Variants in PSIP1 observed in about 807,000 individuals in gnomAD.
PSIP1 encodes the protein PC4 and SRSF1 interacting protein 1.
In PSIP1, 19 loss-of-function variants were observed where a neutral mutation model predicts 74.7. The ratio of observed to expected loss-of-function variants is 0.25; its 90% CI spans 0.18 to 0.37. PSIP1 has a LOEUF of 0.37. Ranked by LOEUF, PSIP1 falls within the 10% of genes least tolerant of loss-of-function variation. The probability of loss-of-function intolerance (pLI) is 1.00; values close to 1 mark genes in which losing one functional copy is unlikely to be tolerated. For missense variants in PSIP1, 601 were observed against 614.3 expected, an observed-to-expected ratio of 0.98 and a Z score of 0.23; for synonymous variants, 222 against 195.3, an observed-to-expected ratio of 1.14 and a Z score of -1.14.
chr9:15,495,799 TTTTCA>T (rs1282676718), intron 3 of PSIP1, among the ~76,000 whole-genome samples: 2 of 152,204 alleles, frequency 1.3e-5, no homozygotes, highest in African/African-American at 4.8e-5. Flanking sequence ...ACAACTACCT[TTTTCA>T]TTTATGTTGA....
At position 15,499,894 on chromosome 9, in the gene PSIP1, G is replaced by A. The variant is rs953619281; in HGVS notation, c.149+6667C>T. 1.7e-4 allele frequency among the ~76,000 whole-genome samples: 25 copies of A among 145,526 alleles called. No homozygotes were observed. The South Asian group carries it at 4.3e-3, about 25-fold the overall frequency. On this transcript the variant is annotated intron_variant, in intron 3 of 15. Coordinates refer to ENST00000380733, the MANE Select transcript of PSIP1 (RefSeq NM_033222.5). ...CTGTCTCAAAAAAAAAAAAAAAACC[G>A]AAGTCACATACACAAAACAGGAAAT...
intron 6 of PSIP1, among the ~76,000 whole-genome samples, chr9:15,483,069 C>G (rs1563879048): frequency 6.6e-6 from 1 of 152,174 alleles, no homozygotes; most frequent in Non-Finnish European, 1.5e-5. Context: ...TTCCCCCTCT[C>G]CATTATATTC....
intron 3 of PSIP1, among the ~76,000 whole-genome samples, chr9:15,502,370 C>T (rs1242582314): frequency 6.6e-6 from 1 of 152,162 alleles, no homozygotes; most frequent in Non-Finnish European, 1.5e-5. Context: ...GGATACAGAA[C>T]CCACAGATAC....
chr9:15,508,084 CG>C (rs2037682000), intron 2 of PSIP1, among the ~76,000 whole-genome samples: 1 of 152,040 alleles, frequency 6.6e-6, no homozygotes, highest in African/African-American at 2.4e-5. Flanking sequence ...TAGCAAATGC[CG>C]GGCAAAATTT....
intron 6 of PSIP1, among the ~76,000 whole-genome samples, chr9:15,481,425 G>C (rs1010230632): frequency 2.0e-5 from 3 of 152,246 alleles, no homozygotes; most frequent in Non-Finnish European, 4.4e-5. Flanking sequence ...GGGTGCAGTG[G>C]CCCATGCCTG....
intron 14 of PSIP1, among the ~76,000 whole-genome samples, chr9:15,467,951 T>C (rs2035700599): frequency 6.6e-6 from 1 of 150,974 alleles, no homozygotes; most frequent in Non-Finnish European, 1.5e-5. Context: ...AGAAACCCCG[T>C]GCCTACTAAA....
At chr9:15,467,236 G>C in intron 14 of PSIP1, among the ~76,000 whole-genome samples, 1 of 152,180 alleles carries the variant, frequency 6.6e-6, no homozygotes. Flanking sequence ...AAAGCAATGT[G>C]AATCAAATTT....
At chr9:15,469,589 A>G (rs1011030890) in intron 11 of PSIP1, among the ~76,000 whole-genome samples, 2 of 152,144 alleles carry the variant, frequency 1.3e-5, no homozygotes, top group Non-Finnish European at 2.9e-5. Context: ...TAAAATAAAT[A>G]GTCTGCATAT....
chr9:15,510,219 C>A lies in PSIP1; in HGVS notation c.-31G>T. The stretch of plus-strand genomic sequence containing the variant: ...GGGGGCGAGACCGGGGGTCCGAAGC[C>A]CGGGAGGCGGCGAGGAGATGCGGCG... On this transcript the variant is annotated 5_prime_UTR_variant, in exon 2 of 16. Transcript: ENST00000380733. 2 of 1,590,310 alleles carry A rather than the reference C, an allele frequency of 1.3e-6. No individual in the cohort carries two copies. Among genetic ancestry groups the A allele is most frequent in the South Asian group, 1.1e-5 (1 of 88,714 alleles).
At position 15,466,794 on chromosome 9, in the gene PSIP1, T is replaced by C; in HGVS notation, c.1486A>G (p.Ser496Gly). Residue 496 changes from serine to glycine, a missense_variant, in exon 15 of 16, where the codon AGC (serine) becomes GGC (glycine). Coordinates refer to ENST00000380733, the MANE Select transcript of PSIP1 (RefSeq NM_033222.5). Reference sequence around the variant, plus strand: ...TGGTTGTCTTTGCTGTCTTCATTGCTCTCCCCGTTATGTTGTGGCTGATTA... The same window carrying C: ...TGGTTGTCTTTGCTGTCTTCATTGCCCTCCCCGTTATGTTGTGGCTGATTA... ...DGNQPQHNGE[S>G]NEDSKDNHEA... 1 of 1,613,626 alleles carries C rather than the reference T, an allele frequency of 6.2e-7. No homozygotes were observed.
chr9:15,488,838 G>T (rs551267297), intron 4 of PSIP1, among the ~76,000 whole-genome samples: 1 of 152,070 alleles, frequency 6.6e-6, no homozygotes, highest in Non-Finnish European at 1.5e-5. Flanking sequence ...TGGCTAACAC[G>T]GTGAAACCCC....
At position 15,486,946 on chromosome 9, in the gene PSIP1, C is replaced by CT; in HGVS notation, c.289-16dup. On this transcript the variant is annotated splice_polypyrimidine_tract_variant and intron_variant, in intron 4 of 15. Coordinates refer to ENST00000380733, the MANE Select transcript of PSIP1 (RefSeq NM_033222.5). ...TTAGTTGCTGCCTGTGAGCAATCAA[C>CT]TCTATTAATTTCAAAAAATAAGTTT... The CT allele has an allele frequency of 6.6e-7, 1 of 1,523,506 alleles. No individual in the cohort carries two copies. Among genetic ancestry groups the CT allele is most frequent in the Non-Finnish European group, 9.0e-7 (1 of 1,111,008 alleles). 94.4% of individuals were successfully genotyped at this position (1,523,506 alleles called of 1,614,324 possible). A position where few individuals can be genotyped will look rare whatever the true frequency, so the allele number is the denominator to read the frequency against.
chr9:15,504,823 A>C (rs933565906), intron 3 of PSIP1: 1 of 152,202 alleles, frequency 6.6e-6, no homozygotes, highest in African/African-American at 2.4e-5. Flanking sequence ...AAAAATGCTA[A>C]GGAATGTCCA....
In PSIP1 at chr9:15,494,480, G is replaced by A. The variant is rs142474158; in HGVS notation, c.150-4356C>T. Among the ~76,000 whole-genome samples, 908 of 145,270 alleles carry A rather than the reference G, an allele frequency of 6.3e-3. 1 individual carries two copies. The highest frequency in any genetic ancestry group is 0.022 in the Middle Eastern group (6 of 272). On this transcript the variant is annotated intron_variant, in intron 3 of 15. Coordinates refer to ENST00000380733, the MANE Select transcript of PSIP1 (RefSeq NM_033222.5). ...CTTGGGAGGCTGAGGCAATAGAATCGCTTGAACCCGGGAGGCGGAGGTTGT... is the reference window on the plus strand; with the variant it reads ...CTTGGGAGGCTGAGGCAATAGAATCACTTGAACCCGGGAGGCGGAGGTTGT...
intron 10 of PSIP1, chr9:15,472,337 A>G: frequency 8.7e-7 from 1 of 1,155,738 alleles, no homozygotes; most frequent in Non-Finnish European, 1.1e-6. Context: ...TATACAAACA[A>G]ATGGTTGAGG....
chr9:15,489,884 TG>T, intron 4 of PSIP1, 101 bp downstream of exon 4: 1 of 1,016,938 alleles, frequency 9.8e-7, no homozygotes, highest in South Asian at 2.3e-5. Context: ...CAAACTAGTA[TG>T]AAATTCCCAA....
At position 15,466,269 on chromosome 9, in the gene PSIP1, C is replaced by T. The variant is rs2035619555; in HGVS notation, c.1532+479G>A. Reference sequence around the variant, plus strand: ...TGGCAGGTGCCTGTAATCCCAGCTACTTGGGAGGCTGAGGCAGGAGAATCG... The same window carrying T: ...TGGCAGGTGCCTGTAATCCCAGCTATTTGGGAGGCTGAGGCAGGAGAATCG... On this transcript the variant is annotated intron_variant, in intron 15 of 15. Coordinates refer to ENST00000380733, the MANE Select transcript of PSIP1 (RefSeq NM_033222.5). Among the ~76,000 whole-genome samples the T allele has an allele frequency of 2.0e-5, 3 of 151,888 alleles. No homozygotes were observed. The South Asian group carries it at 6.2e-4, about 31-fold the overall frequency.
At chr9:15,495,289 T>TA (rs1384364402) in intron 3 of PSIP1, among the ~76,000 whole-genome samples, 1 of 148,098 alleles carries the variant, frequency 6.8e-6, no homozygotes, top group African/African-American at 2.7e-5. Flanking sequence ...ACCACAAAGT[T>TA]ACTGTATAAA....
intron 9 of PSIP1, among the ~76,000 whole-genome samples, chr9:15,473,229 A>C (rs1434250879): frequency 6.6e-6 from 1 of 152,242 alleles, no homozygotes; most frequent in Non-Finnish European, 1.5e-5. Context: ...GGTTCCCAAC[A>C]ACTATGGCGT....
Sources: allele counts gnomAD v4.1 joint callset (sites outside exome capture counted in the v4.1 genomes callset), GRCh38; gene constraint gnomAD v4.1.1; transcripts MANE v1.5; gene names NCBI Gene and HGNC (gene_info 2026-07-23, HGNC 2026-07-21).